Variants in FHIT observed in about 807,000 individuals in gnomAD.
The protein encoded by FHIT is bis(5'-adenosyl)-triphosphatase.
FHIT carries 19 observed loss-of-function variants against 17.9 expected under a neutral mutation model. The ratio of observed to expected loss-of-function variants is 1.06; its 90% CI spans 0.74 to 1.56. FHIT has a LOEUF of 1.56. FHIT is among the 40% of genes most tolerant of loss of function. The pLI is 0.00. For missense variants in FHIT, 248 were observed against 189.2 expected, an observed-to-expected ratio of 1.31 and a Z score of -1.82; for synonymous variants, 81 against 69.7, an observed-to-expected ratio of 1.16 and a Z score of -0.81.
chr3:59,950,109 T>A (rs1707039620), intron 7 of FHIT, among the ~76,000 whole-genome samples: 1 of 152,156 alleles, frequency 6.6e-6, no homozygotes, highest in Non-Finnish European at 1.5e-5. Flanking sequence ...AAATGAATAC[T>A]CCTCCCTGGC....
chr3:59,873,959 A>C (rs1703037064), intron 8 of FHIT, among the ~76,000 whole-genome samples: 1 of 152,154 alleles, frequency 6.6e-6, no homozygotes, highest in Non-Finnish European at 1.5e-5. Context: ...TTCAGCTTCC[A>C]AGCAACACTT....
intron 3 of FHIT, among the ~76,000 whole-genome samples, chr3:60,827,901 C>G (rs1004695217): frequency 6.6e-6 from 1 of 152,206 alleles, no homozygotes; most frequent in Non-Finnish European, 1.5e-5. Flanking sequence ...CACAGGGTAA[C>G]TTGTCACACT....
chr3:60,489,492 T>C (rs1324151391), intron 5 of FHIT, among the ~76,000 whole-genome samples: 1 of 152,170 alleles, frequency 6.6e-6, no homozygotes, highest in East Asian at 1.9e-4. Flanking sequence ...CTCTAGAATC[T>C]AGCTTACAAC....
chr3:60,393,598 G>A (rs1310058219), intron 5 of FHIT, among the ~76,000 whole-genome samples: 1 of 151,964 alleles, frequency 6.6e-6, no homozygotes, highest in Non-Finnish European at 1.5e-5. Flanking sequence ...TGAAGAATGT[G>A]GACAACACAC....
At chr3:61,244,025 G>A (rs1325923296) in intron 1 of FHIT, 4 of 152,008 alleles carry the variant, frequency 2.6e-5, no homozygotes, top group African/African-American at 7.3e-5. Context: ...TTCATTCCAC[G>A]ATGCTGTGTT....
At chr3:59,903,581 C>T (rs1449447961) in intron 8 of FHIT, among the ~76,000 whole-genome samples, 1 of 152,154 alleles carries the variant, frequency 6.6e-6, no homozygotes, top group African/African-American at 2.4e-5. Flanking sequence ...AGACTTTTCA[C>T]CCCTGTTATT....
At chr3:60,847,428 C>T (rs1415829198) in intron 3 of FHIT, among the ~76,000 whole-genome samples, 3 of 152,136 alleles carry the variant, frequency 2.0e-5, no homozygotes, top group African/African-American at 4.8e-5. Flanking sequence ...CTTCTTTATG[C>T]TTGGATCACA....
At chr3:60,864,699 C>G (rs1018150096) in intron 3 of FHIT, among the ~76,000 whole-genome samples, 3 of 152,046 alleles carry the variant, frequency 2.0e-5, no homozygotes, top group African/African-American at 7.2e-5. Flanking sequence ...ATCAAAAGAA[C>G]CTATTCAAGA....
chr3:59,878,767 C>T (rs138356875), intron 8 of FHIT, among the ~76,000 whole-genome samples: 142 of 152,316 alleles, frequency 9.3e-4, no homozygotes, highest in African/African-American at 3.3e-3. Context: ...GAAGAACATT[C>T]ATTACTCGAT....
Position 60,709,352 on chromosome 3 carries a change from G to C in FHIT, c.-18+112567C>G, listed in dbSNP as rs558148514. 1.0e-3 allele frequency among the ~76,000 whole-genome samples: 153 copies of C among 152,208 alleles called. 2 individuals carry two copies. The highest frequency in any genetic ancestry group is 3.6e-3 in the African/African-American group (148 of 41,544). On this transcript the variant is annotated intron_variant, in intron 4 of 9. Transcript: ENST00000492590. Reference sequence around the variant, plus strand: ...GCATTGTGTTGTGATATATTATTAGGGTTGAAGTGTGCCAAGAAAATCTAG... The same window carrying C: ...GCATTGTGTTGTGATATATTATTAGCGTTGAAGTGTGCCAAGAAAATCTAG...
At chr3:60,108,033 A>G (rs1219869067) in intron 5 of FHIT, among the ~76,000 whole-genome samples, 3 of 152,164 alleles carry the variant, frequency 2.0e-5, no homozygotes, top group African/African-American at 7.2e-5. Context: ...CTTTTCTTCA[A>G]GGTTTCATCT....
intron 2 of FHIT, among the ~76,000 whole-genome samples, chr3:61,158,371 T>C (rs184773743): frequency 4.6e-5 from 7 of 152,344 alleles, no homozygotes; most frequent in Admixed American, 3.9e-4. Flanking sequence ...GAAACACAAC[T>C]AGCTTCCATA....
chr3:59,821,250 G>A (rs1235038092), intron 8 of FHIT, among the ~76,000 whole-genome samples: 1 of 152,166 alleles, frequency 6.6e-6, no homozygotes, highest in African/African-American at 2.4e-5. Context: ...AACCTGAGAA[G>A]GAGCAATCAG....
chr3:60,078,076 A>G (rs1703111569), intron 5 of FHIT, among the ~76,000 whole-genome samples: 1 of 152,168 alleles, frequency 6.6e-6, no homozygotes, highest in Non-Finnish European at 1.5e-5. Flanking sequence ...GAAAGTTACC[A>G]TTTAACAATC....
At chr3:59,915,221 T>C (rs184210052) in intron 8 of FHIT, among the ~76,000 whole-genome samples, 1 of 152,324 alleles carries the variant, frequency 6.6e-6, no homozygotes, top group East Asian at 1.9e-4. Context: ...GAGAATTCAC[T>C]GTGGAGGGCA....
At chr3:59,904,439 G>C (rs678205) in intron 8 of FHIT, among the ~76,000 whole-genome samples, 2 of 152,120 alleles carry the variant, frequency 1.3e-5, no homozygotes, top group Non-Finnish European at 2.9e-5. Flanking sequence ...ACAGATTGGA[G>C]AAAGTATTTG....
At chr3:60,020,737 C>G (rs527993103) in intron 5 of FHIT, among the ~76,000 whole-genome samples, 1 of 152,264 alleles carries the variant, frequency 6.6e-6, no homozygotes, top group East Asian at 1.9e-4. Context: ...CTTAATGTCA[C>G]TTCACAAAAC....
intron 3 of FHIT, among the ~76,000 whole-genome samples, chr3:60,954,722 T>C (rs1393097619): frequency 6.6e-6 from 1 of 152,270 alleles, no homozygotes; most frequent in Middle Eastern, 3.4e-3. Flanking sequence ...AATTGGATAA[T>C]ACCCAGATAA....
chr3:61,093,985 G>A (rs977302093), intron 2 of FHIT, among the ~76,000 whole-genome samples: 3 of 152,192 alleles, frequency 2.0e-5, no homozygotes, highest in African/African-American at 7.2e-5. Flanking sequence ...TCATAAGGAA[G>A]TAAACAGCAA....
Sources: gnomAD v4.1 joint callset for allele counts (sites outside exome capture counted in the v4.1 genomes callset) on GRCh38, gnomAD v4.1.1 for gene constraint, MANE v1.5 for transcripts, NCBI Gene and HGNC (gene_info 2026-07-23, HGNC 2026-07-21) for gene names.